Variants in ARHGAP45 observed in about 807,000 individuals in gnomAD.
ARHGAP45 encodes Rho GTPase activating protein 45.
A neutral mutation model predicts 116.1 loss-of-function variants in ARHGAP45; 56 were observed. The ratio of observed to expected loss-of-function variants is 0.48; its 90% CI spans 0.39 to 0.60. The LOEUF is 0.60. Ranked by LOEUF, ARHGAP45 falls within the 20% of genes least tolerant of loss-of-function variation. The pLI, the probability that ARHGAP45 is intolerant of heterozygous loss-of-function variation, is 0.00. For synonymous variants in ARHGAP45, 866 were observed against 701.7 expected (o/e 1.23, Z -3.70); for missense variants, 1,622 against 1,601.0 (o/e 1.01, Z -0.22).
chr19:1,067,108 G>T, upstream of ARHGAP45: 1 of 1,054,906 alleles, frequency 9.5e-7, no homozygotes, highest in South Asian at 4.3e-5. Context: ...TCCCGAAGGC[G>T]GAAGCGGGGG....
At position 1,073,764 on chromosome 19, in the gene ARHGAP45, GGGCCACCTGT is replaced by G; in HGVS notation, c.723+20_723+29del. The G allele has an allele frequency of 6.4e-7, 1 of 1,572,524 alleles. No homozygotes were observed. The highest frequency in any genetic ancestry group is 1.4e-5 in the African/African-American group (1 of 74,002). On this transcript the variant is annotated intron_variant, in intron 5 of 22. Coordinates refer to ENST00000313093, the MANE Select transcript of ARHGAP45 (RefSeq NM_012292.5). ...CGAGCCAGGTGAGTGGGGTGGGCCA[GGGCCACCTGT>G]GTCCAGCTTCTGGAGGCCAGCCGGG...
intron 10 of ARHGAP45, chr19:1,077,612 C>G: frequency 7.3e-7 from 1 of 1,370,764 alleles, no homozygotes; most frequent in Middle Eastern, 2.7e-4. Flanking sequence ...TCTCAAACTC[C>G]TGACCTCAAG....
chr19:1,081,349 C>G (rs1232303677), intron 17 of ARHGAP45: 2 of 661,230 alleles, frequency 3.0e-6, no homozygotes, highest in East Asian at 2.8e-5. Context: ...GTCCAGAAAA[C>G]CAAGGGGCGG....
Position 1,071,459 on chromosome 19 carries a change from G to C in ARHGAP45, c.422-1690G>C. 1 of 928,222 alleles carries C rather than the reference G, an allele frequency of 1.1e-6. No individual in the cohort carries two copies. The highest frequency in any genetic ancestry group is 1.3e-6 in the Non-Finnish European group (1 of 763,630). The allele number at this position is 928,222 out of a possible 1,614,324, so 57.5% of individuals were successfully genotyped here. A position where few individuals can be genotyped will look rare whatever the true frequency, so the allele number is the denominator to read the frequency against. On this transcript the variant is annotated intron_variant, in intron 2 of 22. Coordinates refer to ENST00000313093, the MANE Select transcript of ARHGAP45 (RefSeq NM_012292.5). This position sits in a 1 kb window ranked among gnomAD's most constrained non-coding sequence, Gnocchi z 4.6. ...GGTGGGGGAGCAGCGGCTGCCGCGC[G>C]CCTGGCCTGGCCGTGCGCACCTGGG...
intron 21 of ARHGAP45, among the ~76,000 whole-genome samples, chr19:1,083,742 A>G (rs1158237583): frequency 6.6e-6 from 1 of 152,104 alleles, no homozygotes; most frequent in Non-Finnish European, 1.5e-5. Flanking sequence ...TCCCCGCTTC[A>G]GATTTTCTTT....
intron 2 of ARHGAP45, among the ~76,000 whole-genome samples, chr19:1,072,780 C>G (rs2043163315): frequency 6.6e-6 from 1 of 152,202 alleles, no homozygotes; most frequent in Non-Finnish European, 1.5e-5. Flanking sequence ...AGAGAGAGAC[C>G]TGGACAGGGC....
intron 12 of ARHGAP45, 32 bp from the exon 13 acceptor site, chr19:1,079,896 C>T (rs1327030926): frequency 1.3e-6 from 2 of 1,598,842 alleles, no homozygotes; most frequent in Non-Finnish European, 1.7e-6. Context: ...CGGCCTCCTC[C>T]TGACCCCTCC....
intron 2 of ARHGAP45, 128 bp from the exon 3 acceptor site, chr19:1,073,021 A>C: frequency 8.9e-7 from 1 of 1,129,016 alleles, no homozygotes; most frequent in Non-Finnish European, 1.3e-6. Context: ...AGCCCCAGGC[A>C]TCTGCCGTCT....
intron 10 of ARHGAP45, among the ~76,000 whole-genome samples, chr19:1,076,194 G>C (rs1037337103): frequency 1.3e-5 from 2 of 152,156 alleles, no homozygotes; most frequent in African/African-American, 2.4e-5. Context: ...GAACTGCTGG[G>C]TCAAGGGGCG....
At position 1,085,802 on chromosome 19, in the gene ARHGAP45, C is replaced by G. The variant is rs1171254272; in HGVS notation, c.3207C>G (p.Gly1069=). The G allele has an allele frequency of 6.2e-7, 1 of 1,612,828 alleles. No individual in the cohort carries two copies. The highest frequency in any genetic ancestry group is 1.7e-5 in the Admixed American group (1 of 60,010). The part of the protein sequence containing the change: ...QSEASLEVAS[G]SHSGSEEQLE... ...AGGCCAGCCTAGAGGTGGCTTCTGGCAGCCACAGCGGCAGTGAGGAGCAGC... is the reference window on the plus strand; with the variant it reads ...AGGCCAGCCTAGAGGTGGCTTCTGGGAGCCACAGCGGCAGTGAGGAGCAGC... The change falls in exon 23 of 23, where the codon GGC becomes GGG. Residue 1069 remains glycine (G), a synonymous_variant. Transcript: ENST00000313093.
chr19:1,080,205 C>G, intron 13 of ARHGAP45, 50 bp from the exon 14 acceptor site: 1 of 1,610,134 alleles, frequency 6.2e-7, no homozygotes, highest in Non-Finnish European at 8.5e-7. Context: ...GAAGATGAAG[C>G]TGTCTTGCCC....
In ARHGAP45 at chr19:1,085,502, G is replaced by A. The variant is rs538563252; in HGVS notation, c.3065-158G>A. Among the ~76,000 whole-genome samples, 6 of 144,756 alleles carry A rather than the reference G, an allele frequency of 4.1e-5. No individual in the cohort carries two copies. In the South Asian group the frequency reaches 1.3e-3, roughly 31 times the overall value. 95.0% of individuals were successfully genotyped at this position (144,756 alleles called of 152,430 possible). ...TCTCCATCTGTCTGTCCCTCCCCTT[G>A]TCTCTCCTCCATCTCTCCTGTCTCT... On this transcript the variant is annotated intron_variant, in intron 22 of 22. Transcript: ENST00000313093.
chr19:1,080,997 T>C lies in ARHGAP45; in HGVS notation c.2123T>C (p.Leu708Pro). The C allele has an allele frequency of 6.2e-7, 1 of 1,607,906 alleles. No individual in the cohort carries two copies. The highest frequency in any genetic ancestry group is 8.5e-7 in the Non-Finnish European group (1 of 1,178,154). ...KAARTHRLRK[L>P]RTPAKCRECN... ...GCCCGTACTCACCGGCTCCGGAAGC[T>C]CCGCACGCCCGCCAAGTGCCGCGAG... The change falls in exon 17 of 23, where the codon CTC becomes CCC. Residue 708 changes from leucine to proline, a missense_variant. Physicochemically the swap from Leu to Pro is moderately conservative, Grantham distance 98. Around this residue, in one of 3 missense-constraint regions of ARHGAP45, gnomAD observed 1,334 missense variants for 1,263.8 expected, o/e 1.06. Transcript: ENST00000313093.
rs963534231 is a variant in ARHGAP45, at chr19:1,079,599, G to A, written c.1375-104G>A. On this transcript the variant is annotated intron_variant, in intron 11 of 22. Transcript: ENST00000313093. ...AGCAAGTCTCCCACTGTGGCCTCCC[G>A]AGGCGCTGGGATGACAGGCGTCAGC... 12 of 1,451,060 alleles carry A rather than the reference G, an allele frequency of 8.3e-6. No homozygotes were observed. In the African/African-American group the frequency reaches 1.1e-4, roughly 14 times the overall value. 89.9% of individuals were successfully genotyped at this position (1,451,060 alleles called of 1,614,324 possible).
intron 4 of ARHGAP45, 42 bp downstream of exon 4, chr19:1,073,632 G>T: frequency 1.2e-6 from 2 of 1,611,788 alleles, no homozygotes; most frequent in South Asian, 1.1e-5. Context: ...GGAGCGTGGG[G>T]GGCCCGGGTG....
At chr19:1,084,954 C>A (rs1026731414) in intron 22 of ARHGAP45, among the ~76,000 whole-genome samples, 1 of 152,118 alleles carries the variant, frequency 6.6e-6, no homozygotes, top group Non-Finnish European at 1.5e-5. Flanking sequence ...TGGTGGAGGG[C>A]ACCTGTAATC....
Position 1,079,925 on chromosome 19 carries a change from C to T in ARHGAP45, c.1513-3C>T, listed in dbSNP as rs1323807794. 2 of 1,604,000 alleles carry T rather than the reference C, an allele frequency of 1.2e-6. No individual in the cohort carries two copies. The highest frequency in any genetic ancestry group is 1.7e-6 in the Non-Finnish European group (2 of 1,172,690). On this transcript the variant is annotated splice_region_variant and splice_polypyrimidine_tract_variant and intron_variant, in intron 12 of 22. Transcript: ENST00000313093. ...CCCCTCCGCTCTCCGGTGCCGCCCG[C>T]AGGCCACGATCTCCTACTACCAGAT... is the stretch of plus-strand genomic sequence containing the variant.
chr19:1,077,811 T>G (rs1771593069), intron 10 of ARHGAP45, 46 bp from the exon 11 acceptor site: 1 of 1,550,442 alleles, frequency 6.4e-7, no homozygotes, highest in Non-Finnish European at 8.7e-7. Flanking sequence ...CTGAGTCCCA[T>G]CCGAGGATAG....
At chr19:1,076,952 C>T (rs1359942163) in intron 10 of ARHGAP45, 3 of 869,498 alleles carry the variant, frequency 3.5e-6, no homozygotes, top group Non-Finnish European at 2.8e-6. Flanking sequence ...TGGTCTCAAA[C>T]TCCTGGCCTC....
Sources: gnomAD v4.1 joint callset for allele counts (sites outside exome capture counted in the v4.1 genomes callset) on GRCh38, gnomAD v4.1.1 for gene constraint, gnomAD v4.1.1 regional missense constraint, Gnocchi (gnomAD v3.1) non-coding constraint, MANE v1.5 for transcripts, NCBI Gene and HGNC (gene_info 2026-07-23, HGNC 2026-07-21) for gene names.